The following ARHGAP32 variants were observed in gnomAD, a reference collection of about 807,000 sequenced individuals.
ARHGAP32 encodes the protein Rho GTPase activating protein 32.
Under a neutral mutation model 186.5 loss-of-function variants are expected in ARHGAP32, and 51 were observed. That is an observed-to-expected ratio of 0.27 (90% CI 0.22 to 0.35). The LOEUF (loss-of-function observed/expected upper bound fraction) is 0.35. Among genes scored for constraint, ARHGAP32 ranks in the 10% least tolerant of loss-of-function variants. ARHGAP32 has a pLI of 1.00. For synonymous variants in ARHGAP32, 950 were observed against 964.3 expected (o/e 0.99, Z 0.27); for missense variants, 2,186 against 2,623.5 (o/e 0.83, Z 3.64).
chr11:128,984,121 C>T (rs1283779102), intron 15 of ARHGAP32, among the ~76,000 whole-genome samples: 1 of 152,140 alleles, frequency 6.6e-6, no homozygotes, highest in East Asian at 1.9e-4. Context: ...CACCTGTAAT[C>T]CCAGCACTTT....
chr11:129,036,556 G>A (rs1187513754), intron 11 of ARHGAP32, among the ~76,000 whole-genome samples: 1 of 152,106 alleles, frequency 6.6e-6, no homozygotes, highest in African/African-American at 2.4e-5. Context: ...ACCACAGAAA[G>A]ATGGATAAAA....
chr11:129,065,745 A>T (rs1335451822), intron 7 of ARHGAP32, among the ~76,000 whole-genome samples: 1 of 152,010 alleles, frequency 6.6e-6, no homozygotes, highest in Non-Finnish European at 1.5e-5. Context: ...GGCTTACACC[A>T]ATTTTTAATT....
At chr11:129,179,947 TA>T (rs1013117124) in intron 1 of ARHGAP32, among the ~76,000 whole-genome samples, 27 of 150,698 alleles carry the variant, frequency 1.8e-4, no homozygotes, top group African/African-American at 3.7e-4. Context: ...AGTATAATAA[TA>T]AAAAAAAATT....
intron 2 of ARHGAP32, among the ~76,000 whole-genome samples, chr11:129,134,760 C>G (rs471050): frequency 0.13 from 19,048 of 152,116 alleles, 1,347 homozygotes; most frequent in Non-Finnish European, 0.15. Context: ...CATGATGGCT[C>G]TGCCCTCATG....
chr11:129,193,684 ATATATT>A (rs1944342576), upstream of ARHGAP32, among the ~76,000 whole-genome samples: 1 of 34,412 alleles, frequency 2.9e-5, no homozygotes, highest in African/African-American at 1.1e-4. Flanking sequence ...AATATATAAT[ATATATT>A]ATATAATATA....
In ARHGAP32 at chr11:129,020,428, C is replaced by T. The variant is rs1423653150; in HGVS notation, c.1045+20500G>A. Among the ~76,000 whole-genome samples the T allele has an allele frequency of 2.0e-5, 3 of 152,052 alleles. 1 individual carries two copies. The highest frequency in any genetic ancestry group is 4.4e-5 in the Non-Finnish European group (3 of 67,934). On this transcript the variant is annotated intron_variant, in intron 11 of 22. Coordinates refer to ENST00000682385, the MANE Select transcript of ARHGAP32 (RefSeq NM_001378024.1). ...TTGTACTACCTTTAATTGCTAAGGA[C>T]ATTCACAGTTGCTGGTCATGCCATA...
At chr11:129,113,982 C>A (rs1942296960) in intron 5 of ARHGAP32, among the ~76,000 whole-genome samples, 1 of 152,010 alleles carries the variant, frequency 6.6e-6, no homozygotes, top group African/African-American at 2.4e-5. Context: ...ACCTTTGATT[C>A]TTTAGTCTCT....
intron 1 of ARHGAP32, among the ~76,000 whole-genome samples, chr11:129,253,164 G>A (rs1034439004): frequency 1.3e-5 from 2 of 152,158 alleles, no homozygotes; most frequent in Non-Finnish European, 2.9e-5. Context: ...GGAACTGCCA[G>A]ATAAAGATCC....
chr11:129,038,902 A>AG (rs922832312), intron 11 of ARHGAP32, among the ~76,000 whole-genome samples: 2 of 150,674 alleles, frequency 1.3e-5, no homozygotes, highest in Non-Finnish European at 1.5e-5. Flanking sequence ...AAAAAAAAAA[A>AG]AAAAAGAAAA....
At chr11:129,090,174 T>C (rs1397319786) in intron 6 of ARHGAP32, among the ~76,000 whole-genome samples, 1 of 152,220 alleles carries the variant, frequency 6.6e-6, no homozygotes, top group Non-Finnish European at 1.5e-5. Flanking sequence ...ATATGTTCTA[T>C]AAATGTTAAT....
At chr11:129,218,015 T>C (rs1944667073) in intron 1 of ARHGAP32, among the ~76,000 whole-genome samples, 1 of 152,170 alleles carries the variant, frequency 6.6e-6, no homozygotes, top group South Asian at 2.1e-4. Context: ...CTTAACACAG[T>C]ACCAACTACA....
rs373885143 is a variant in ARHGAP32 at position 128,969,255 on chromosome 11, G to A, written c.5958C>T (p.His1986=). Residue 1986 remains histidine (H), a synonymous_variant, in exon 23 of 23, where the codon CAC becomes CAT. Coordinates refer to ENST00000682385, the MANE Select transcript of ARHGAP32 (RefSeq NM_001378024.1). The surrounding 1 kb of genome is among the most constrained non-coding windows in gnomAD (Gnocchi z 4.8). The stretch of plus-strand genomic sequence containing the variant: ...GGGGTGGGACGATTGACTGAGTGAG[G>A]TGTTCTTCCTCCTTGTAGCAGTCTC... ...HSRDCYKEEE[H]LTQSIVPPPK... is the part of the protein sequence containing the mutation. 12 of 1,614,014 alleles carry A rather than the reference G, an allele frequency of 7.4e-6. No homozygotes were observed. Among genetic ancestry groups the A allele is most frequent in the Non-Finnish European group, 1.0e-5 (12 of 1,180,002 alleles).
intron 17 of ARHGAP32, among the ~76,000 whole-genome samples, 166 bp downstream of exon 17, chr11:128,981,250 C>T (rs577506243): frequency 1.3e-5 from 2 of 152,318 alleles, no homozygotes; most frequent in Admixed American, 6.5e-5. Flanking sequence ...TCACTATATA[C>T]ACACAAAATA....
At position 128,984,555 on chromosome 11, in the gene ARHGAP32, A is replaced by G. The variant is rs541520496; in HGVS notation, c.1526+1448T>C. Among the ~76,000 whole-genome samples, 82 of 152,338 alleles carry G rather than the reference A, an allele frequency of 5.4e-4. 1 individual carries two copies. The highest frequency in any genetic ancestry group is 1.8e-3 in the African/African-American group (73 of 41,572). On this transcript the variant is annotated intron_variant, in intron 15 of 22. Transcript: ENST00000682385. Reference sequence around the variant, plus strand: ...TGTTAAAATTTTGGATAAAAAGTCTATATCAAAAGATATACAAAGTAGGAG... The same window carrying G: ...TGTTAAAATTTTGGATAAAAAGTCTGTATCAAAAGATATACAAAGTAGGAG...
intron 1 of ARHGAP32, among the ~76,000 whole-genome samples, chr11:129,275,942 A>G (rs1276502865): frequency 6.6e-6 from 1 of 152,270 alleles, no homozygotes; most frequent in Non-Finnish European, 1.5e-5. Context: ...ACAAATCATT[A>G]ACTTGTAACC....
At chr11:128,989,245 T>G (rs1945966954) in intron 12 of ARHGAP32, among the ~76,000 whole-genome samples, 1 of 152,072 alleles carries the variant, frequency 6.6e-6, no homozygotes, top group Non-Finnish European at 1.5e-5. Context: ...ACCTCATCTT[T>G]GATTAAAAAA....
upstream of ARHGAP32, among the ~76,000 whole-genome samples, chr11:129,195,662 C>A (rs918246732): frequency 6.6e-6 from 1 of 152,010 alleles, no homozygotes; most frequent in South Asian, 2.1e-4. Flanking sequence ...TGCTGTGAGC[C>A]GAGATCACGC....
At chr11:128,987,348 G>A (rs527527051) in intron 13 of ARHGAP32, among the ~76,000 whole-genome samples, 19 of 152,290 alleles carry the variant, frequency 1.2e-4, no homozygotes, top group African/African-American at 4.1e-4. Flanking sequence ...GTCTTAAACT[G>A]AAGACTGAAA....
chr11:129,111,012 G>C (rs1384562260), intron 5 of ARHGAP32, among the ~76,000 whole-genome samples: 1 of 152,114 alleles, frequency 6.6e-6, no homozygotes, highest in Non-Finnish European at 1.5e-5. Context: ...TCAGTTCTTA[G>C]AGGAAAGGCT....
Sources: allele counts gnomAD v4.1 joint callset (sites outside exome capture counted in the v4.1 genomes callset), GRCh38; gene constraint gnomAD v4.1.1; non-coding constraint Gnocchi (gnomAD v3.1); transcripts MANE v1.5; gene names NCBI Gene and HGNC (gene_info 2026-07-23, HGNC 2026-07-21).